CSMD1: variants seen among roughly 807,000 people sequenced by gnomAD.
The protein encoded by CSMD1 is CUB and sushi domain-containing protein 1.
Under a neutral mutation model 417.5 loss-of-function variants are expected in CSMD1, and 213 were observed. The ratio of observed to expected loss-of-function variants is 0.51; its 90% confidence interval spans 0.46 to 0.57. CSMD1 has a LOEUF of 0.57. Ranked by LOEUF, CSMD1 falls within the 20% of genes least tolerant of loss-of-function variation. The pLI, the probability that CSMD1 is intolerant of heterozygous loss-of-function variation, is 0.00. For synonymous variants in CSMD1, 2,862 were observed against 1,736.8 expected (o/e 1.65, Z -16.11); for missense variants, 6,923 against 4,529.7 (o/e 1.53, Z -15.17).
chr8:4,104,722 G>A (rs1801481197), intron 3 of CSMD1, among the ~76,000 whole-genome samples: 1 of 152,194 alleles, frequency 6.6e-6, no homozygotes. Flanking sequence ...ACAGTCCCAA[G>A]AGGAACTAGG....
chr8:3,322,270 T>C (rs1324222867), intron 23 of CSMD1, among the ~76,000 whole-genome samples: 4 of 152,174 alleles, frequency 2.6e-5, no homozygotes, highest in Admixed American at 6.5e-5. Flanking sequence ...TGAATCATTT[T>C]ATTTTTATAT....
chr8:3,784,199 G>C (rs1244194785), intron 5 of CSMD1, among the ~76,000 whole-genome samples: 1 of 152,180 alleles, frequency 6.6e-6, no homozygotes, highest in East Asian at 1.9e-4. Context: ...GGAAAGGGGT[G>C]GGTACCCAAT....
chr8:4,927,864 C>T lies in CSMD1; in HGVS notation c.85+66468G>A, dbSNP rs145577804. 4.9e-3 allele frequency among the ~76,000 whole-genome samples: 753 copies of T among 152,318 alleles called. 4 individuals are homozygous for T. The highest frequency in any genetic ancestry group is 7.7e-3 in the Non-Finnish European group (523 of 68,040). On this transcript the variant is annotated intron_variant, in intron 1 of 69. Coordinates refer to ENST00000635120, the MANE Select transcript of CSMD1 (RefSeq NM_033225.6). ...CTGCCTTCAAGATATACCCAGAATT[C>T]TACCAAGATTCCCCAAAGATCCCAC...
At chr8:4,608,596 T>A (rs894512609) in intron 2 of CSMD1, among the ~76,000 whole-genome samples, 4 of 152,210 alleles carry the variant, frequency 2.6e-5, no homozygotes, top group Non-Finnish European at 5.9e-5. Flanking sequence ...ATGGCAAAGT[T>A]ATACTACAAA....
intron 2 of CSMD1, among the ~76,000 whole-genome samples, chr8:4,551,348 T>G (rs1797861745): frequency 6.6e-6 from 1 of 152,158 alleles, no homozygotes; most frequent in South Asian, 2.1e-4. Context: ...GCCTTTGGTG[T>G]GCTGTGTACA....
intron 1 of CSMD1, among the ~76,000 whole-genome samples, chr8:4,804,594 A>C (rs1798487328): frequency 6.6e-6 from 1 of 152,116 alleles, no homozygotes; most frequent in Admixed American, 6.6e-5. Context: ...GAAGGAAGGA[A>C]GGAAAGTACG....
At chr8:4,516,416 G>T (rs77321832) in intron 2 of CSMD1, among the ~76,000 whole-genome samples, 1 of 152,304 alleles carries the variant, frequency 6.6e-6, no homozygotes, top group African/African-American at 2.4e-5. Flanking sequence ...CAAGCTGCTG[G>T]TGTCCATGGA....
intron 3 of CSMD1, among the ~76,000 whole-genome samples, chr8:4,104,070 T>C (rs1801441183): frequency 6.6e-6 from 1 of 152,162 alleles, no homozygotes; most frequent in Admixed American, 6.6e-5. Flanking sequence ...CTACAATAGG[T>C]TCTCCCTCAA....
At chr8:4,299,244 T>G (rs139546733) in intron 3 of CSMD1, among the ~76,000 whole-genome samples, 2,886 of 152,286 alleles carry the variant, frequency 0.019, 67 homozygotes, top group South Asian at 0.1. Context: ...TAAGACACTG[T>G]AAATATTTAA....
intron 3 of CSMD1, among the ~76,000 whole-genome samples, chr8:4,111,445 AG>A (rs1801850313): frequency 6.6e-6 from 1 of 150,724 alleles, no homozygotes; most frequent in South Asian, 2.1e-4. Context: ...ATATATACCC[AG>A]TAATGGGAAA....
intron 3 of CSMD1, among the ~76,000 whole-genome samples, chr8:4,181,829 C>T (rs753690557): frequency 1.7e-4 from 26 of 152,128 alleles, no homozygotes; most frequent in South Asian, 8.3e-4. Context: ...ATGTAATATA[C>T]ATTCGTACAA....
chr8:4,457,574 C>G (rs1799565659), intron 2 of CSMD1, among the ~76,000 whole-genome samples: 1 of 152,044 alleles, frequency 6.6e-6, no homozygotes, highest in Admixed American at 6.6e-5. Flanking sequence ...TTTATTGTCT[C>G]TGAGCTTCAA....
At chr8:4,203,733 T>G (rs375964386) in intron 3 of CSMD1, among the ~76,000 whole-genome samples, 4 of 152,080 alleles carry the variant, frequency 2.6e-5, no homozygotes, top group Non-Finnish European at 5.9e-5. Flanking sequence ...TGCACACATA[T>G]GTACACGCAC....
chr8:4,154,080 A>G (rs1296530101), intron 3 of CSMD1, among the ~76,000 whole-genome samples: 2 of 152,220 alleles, frequency 1.3e-5, no homozygotes, highest in East Asian at 3.9e-4. Flanking sequence ...AATTGGAAGA[A>G]ACACTGAAAA....
chr8:4,644,901 G>C (rs368267875), intron 1 of CSMD1, among the ~76,000 whole-genome samples: 1 of 152,232 alleles, frequency 6.6e-6, no homozygotes, highest in Non-Finnish European at 1.5e-5. Flanking sequence ...GCCTGTGGGT[G>C]AGTTTGAGTG....
intron 2 of CSMD1, among the ~76,000 whole-genome samples, chr8:4,468,789 T>C (rs1035064036): frequency 1.3e-5 from 2 of 152,204 alleles, no homozygotes; most frequent in South Asian, 2.1e-4. Flanking sequence ...GTGTTTTTCA[T>C]ATAATGGATA....
intron 3 of CSMD1, among the ~76,000 whole-genome samples, chr8:4,158,821 T>G (rs572695913): frequency 6.6e-6 from 1 of 152,188 alleles, no homozygotes; most frequent in South Asian, 2.1e-4. Flanking sequence ...TGGGATGATG[T>G]AGAATCCAAT....
At chr8:3,775,872 C>G (rs185150252) in intron 5 of CSMD1, among the ~76,000 whole-genome samples, 1 of 152,296 alleles carries the variant, frequency 6.6e-6, no homozygotes, top group East Asian at 1.9e-4. Flanking sequence ...GTCCTGAGAC[C>G]TCTCTCCCTT....
chr8:4,573,715 C>T (rs561868578), intron 2 of CSMD1, among the ~76,000 whole-genome samples: 1 of 152,270 alleles, frequency 6.6e-6, no homozygotes, highest in South Asian at 2.1e-4. Context: ...GCTGAAGCTG[C>T]ACCCACAGCC....
Sources: allele counts gnomAD v4.1 joint callset (sites outside exome capture counted in the v4.1 genomes callset), GRCh38; gene constraint gnomAD v4.1.1; transcripts MANE v1.5; gene names NCBI Gene and HGNC (gene_info 2026-07-23, HGNC 2026-07-21).